The following OTOG variants were observed in gnomAD, a reference collection of about 807,000 sequenced individuals.
OTOG encodes otogelin.
OTOG carries 296 observed loss-of-function variants against 313.8 expected under a neutral mutation model. That is an observed-to-expected ratio of 0.94 (90% CI 0.86 to 1.04). The LOEUF (loss-of-function observed/expected upper bound fraction) is 1.04. Among genes scored for constraint, OTOG ranks in the 50% least tolerant of loss-of-function variants. The pLI is 0.00. For synonymous variants in OTOG, 1,533 were observed against 1,554.9 expected, an observed-to-expected ratio of 0.99 and a Z score of 0.33; for missense variants, 3,948 against 3,840.1, an observed-to-expected ratio of 1.03 and a Z score of -0.74.
chr11:17,558,719 T>C lies in OTOG; in HGVS notation c.1103+75T>C, dbSNP rs1852109707. On this transcript the variant is annotated intron_variant, in intron 10 of 55. Coordinates refer to ENST00000399397, the MANE Select transcript of OTOG (RefSeq NM_001292063.2). ...GTGCTCAGCACACGGGCCATCAAACTGGGTGATCCCAGGCACTGCCAGATC... is the reference window on the plus strand; with the variant it reads ...GTGCTCAGCACACGGGCCATCAAACCGGGTGATCCCAGGCACTGCCAGATC... 2.1e-6 allele frequency: 3 copies of C among 1,406,566 alleles called. No homozygotes were observed. In the South Asian group the frequency reaches 3.7e-5, roughly 17 times the overall value. 87.1% of individuals were successfully genotyped at this position (1,406,566 alleles called of 1,614,324 possible).
rs1365028870 is a variant in OTOG at position 17,613,279 on chromosome 11, G to GTCTT, written c.6439-329_6439-326dup. Among the ~76,000 whole-genome samples, 4 of 105,140 alleles carry GTCTT rather than the reference G, an allele frequency of 3.8e-5. No homozygotes were observed. The East Asian group carries it at 1.4e-3, about 35-fold the overall frequency. The allele number at this position is 105,140 out of a possible 152,430, so 69.0% of individuals were successfully genotyped here. ...TCTTTCTTTCTTTCTCTCTCTGTCT[G>GTCTT]TCTTTCTCCTTCTTTCTTCTCTCTT... is the stretch of plus-strand genomic sequence containing the variant. On this transcript the variant is annotated intron_variant, in intron 38 of 55. Coordinates refer to ENST00000399397, the MANE Select transcript of OTOG (RefSeq NM_001292063.2).
chr11:17,606,174 C>T (rs781039540), intron 33 of OTOG, 39 bp downstream of exon 33: 23 of 1,494,682 alleles, frequency 1.5e-5, no homozygotes, highest in Non-Finnish European at 1.8e-6. Flanking sequence ...CCCTTTGGCC[C>T]TCTCAGTCCA....
intron 46 of OTOG, among the ~76,000 whole-genome samples, 163 bp from the exon 47 acceptor site, chr11:17,635,447 A>C (rs760050994): frequency 2.4e-4 from 37 of 152,196 alleles, no homozygotes; most frequent in Non-Finnish European, 5.1e-4. Flanking sequence ...GAGAACTTCC[A>C]GATTCTGATT....
chr11:17,614,475 C>G (rs376243807), intron 39 of OTOG, among the ~76,000 whole-genome samples: 1 of 152,034 alleles, frequency 6.6e-6, no homozygotes, highest in African/African-American at 2.4e-5. Context: ...TAAAATTTAC[C>G]GTATTTAGTA....
At chr11:17,640,443 C>G (rs544821569) in intron 49 of OTOG, among the ~76,000 whole-genome samples, 44 of 152,352 alleles carry the variant, frequency 2.9e-4, no homozygotes, top group African/African-American at 9.6e-4. Context: ...TTTCCTCTCA[C>G]TCTGTCCCCC....
At chr11:17,586,635 A>G in intron 24 of OTOG, 54 bp downstream of exon 24, 1 of 875,242 alleles carries the variant, frequency 1.1e-6, no homozygotes, top group Non-Finnish European at 1.6e-6. Flanking sequence ...GGGCATGGAT[A>G]TGGGTGCATA....
chr11:17,573,277 C>T lies in OTOG; in HGVS notation c.2280C>T (p.Arg760=). 6.5e-7 allele frequency: 1 copy of T among 1,527,280 alleles called. No individual in the cohort carries two copies. 94.6% of individuals were successfully genotyped at this position (1,527,280 alleles called of 1,614,324 possible). The change falls in exon 19 of 56, where the codon CGC becomes CGT. Residue 760 remains arginine, a synonymous_variant. Coordinates refer to ENST00000399397, the MANE Select transcript of OTOG (RefSeq NM_001292063.2). ...RHGLPVDFRA[R]LPACALSCEA... ...GGCTCCCCGTTGATTTCCGCGCCCGCCTGCCAGCCTGTGGTGAGTGCCCCA... is the reference window on the plus strand; with the variant it reads ...GGCTCCCCGTTGATTTCCGCGCCCGTCTGCCAGCCTGTGGTGAGTGCCCCA...
Position 17,633,871 on chromosome 11 carries a change from T to C in OTOG, c.7264T>C (p.Cys2422Arg). 1 of 1,531,998 alleles carries C rather than the reference T, an allele frequency of 6.5e-7. No individual in the cohort carries two copies. The highest frequency in any genetic ancestry group is 8.8e-7 in the Non-Finnish European group (1 of 1,138,000). 94.9% of individuals were successfully genotyped at this position (1,531,998 alleles called of 1,614,324 possible). A position where few individuals can be genotyped will look rare whatever the true frequency, so the allele number is the denominator to read the frequency against. Reference protein sequence around the residue: ...HSALCIPEAKCACTDSMGVPR... With the variant: ...HSALCIPEAKRACTDSMGVPR... ...TGCACTCTGCATCCCGGAGGCCAAGTGCGGTAGGTTCCTCCCCTCCCTGAG... is the reference window on the plus strand; with the variant it reads ...TGCACTCTGCATCCCGGAGGCCAAGCGCGGTAGGTTCCTCCCCTCCCTGAG... Residue 2422 changes from cysteine (C) to arginine (R), a missense_variant, in exon 43 of 56, where the codon TGC (cysteine) becomes CGC (arginine). Cys to Arg is a radical substitution (Grantham distance 180, BLOSUM62 -3). Transcript: ENST00000399397.
intron 27 of OTOG, 117 bp downstream of exon 27, chr11:17,593,873 C>A: frequency 7.1e-7 from 1 of 1,416,920 alleles, no homozygotes. Context: ...CTGTTCTCTC[C>A]TCCGCCCTGC....
In OTOG at chr11:17,606,015, G is replaced by A. The variant is rs1853377695; in HGVS notation, c.4036G>A (p.Val1346Met). The change falls in exon 33 of 56, where the codon GTG becomes ATG. Residue 1346 changes from valine to methionine, a missense_variant. Val to Met is a conservative substitution (Grantham distance 21). Coordinates refer to ENST00000399397, the MANE Select transcript of OTOG (RefSeq NM_001292063.2). ...CCGGGGGACACGGCAGGCAGGCCTG[G>A]TGGCCCTGGAGTCCCTGGCCAAGCC... ...LHRGTRQAGL[V>M]ALESLAKPSS... 1.3e-6 allele frequency: 2 copies of A among 1,550,458 alleles called. No homozygotes were observed. Among genetic ancestry groups the A allele is most frequent in the African/African-American group, 2.7e-5 (2 of 73,060 alleles).
intron 14 of OTOG, 60 bp from the exon 15 acceptor site, chr11:17,561,602 G>T: frequency 1.3e-6 from 2 of 1,528,350 alleles, no homozygotes; most frequent in Non-Finnish European, 1.8e-6. Flanking sequence ...CTTGGAGCTT[G>T]CAGGGCAGAG....
At chr11:17,601,724 A>G (rs984171284) in intron 31 of OTOG, among the ~76,000 whole-genome samples, 103 of 152,280 alleles carry the variant, frequency 6.8e-4, no homozygotes, top group Middle Eastern at 6.8e-3. Context: ...GCCAACCTAT[A>G]CTGACAACCA....
chr11:17,615,340 GT>G (rs1275672470), intron 39 of OTOG, among the ~76,000 whole-genome samples: 3 of 152,122 alleles, frequency 2.0e-5, no homozygotes, highest in Non-Finnish European at 4.4e-5. Context: ...AAAGACAGAA[GT>G]TTTTTTATTT....
intron 31 of OTOG, among the ~76,000 whole-genome samples, chr11:17,600,113 G>A (rs1269491168): frequency 1.3e-5 from 2 of 152,222 alleles, no homozygotes; most frequent in African/African-American, 4.8e-5. Flanking sequence ...ACTATGGGTG[G>A]AACAAAACAT....
chr11:17,620,616 C>T (rs1182103787), intron 39 of OTOG, among the ~76,000 whole-genome samples: 1 of 152,126 alleles, frequency 6.6e-6, no homozygotes, highest in East Asian at 1.9e-4. Flanking sequence ...TTCCTTCATA[C>T]ATAATGTAGT....
At chr11:17,554,269 G>A (rs1192816181) in intron 6 of OTOG, among the ~76,000 whole-genome samples, 5 of 152,168 alleles carry the variant, frequency 3.3e-5, no homozygotes, top group African/African-American at 1.2e-4. Flanking sequence ...CGCTGTCATT[G>A]TATTTCTCTT....
intron 4 of OTOG, 25 bp from the exon 5 acceptor site, chr11:17,553,094 C>T (rs1851978509): frequency 6.5e-7 from 1 of 1,547,976 alleles, no homozygotes; most frequent in Non-Finnish European, 8.7e-7. Flanking sequence ...CTTGATGGGG[C>T]AATGACTCTG....
chr11:17,637,054 G>T (rs559267289), intron 47 of OTOG, among the ~76,000 whole-genome samples: 1 of 152,210 alleles, frequency 6.6e-6, no homozygotes, highest in Admixed American at 6.5e-5. Flanking sequence ...CACTGTATAT[G>T]CATTGTAGAA....
chr11:17,620,750 A>G (rs1480509769), intron 39 of OTOG, among the ~76,000 whole-genome samples: 1 of 152,092 alleles, frequency 6.6e-6, no homozygotes, highest in Non-Finnish European at 1.5e-5. Flanking sequence ...GTGTTTTAGG[A>G]TACTTGAAGT....
Sources: gnomAD v4.1 joint callset for allele counts (sites outside exome capture counted in the v4.1 genomes callset) on GRCh38, gnomAD v4.1.1 for gene constraint, MANE v1.5 for transcripts, NCBI Gene and HGNC (gene_info 2026-07-23, HGNC 2026-07-21) for gene names.